Variants in PRR16 observed in about 807,000 individuals in gnomAD.
PRR16 encodes the protein proline rich 16.
A neutral mutation model predicts 18.2 loss-of-function variants in PRR16; 6 were observed. The observed-to-expected ratio is 0.33, with a 90% CI of 0.18 to 0.65. The LOEUF (loss-of-function observed/expected upper bound fraction) is 0.65. Among genes scored for constraint, PRR16 ranks in the 30% least tolerant of loss-of-function variants. The pLI, the probability that PRR16 is intolerant of heterozygous loss-of-function variation, is 0.74. For synonymous variants in PRR16, 151 were observed against 147.8 expected (o/e 1.02, Z -0.16); for missense variants, 412 against 376.6 (o/e 1.09, Z -0.78).
the PRR16 span, among the ~76,000 whole-genome samples, chr5:120,721,713 T>C: frequency 6.5e-3 from 982 of 152,134 alleles, 19 homozygotes; most frequent in African/African-American, 0.022. Context: ...TGCCTTACAT[T>C]TTAAAATTAT....
intron 1 of PRR16, among the ~76,000 whole-genome samples, chr5:120,537,805 C>A (rs1398964521): frequency 2.6e-5 from 3 of 116,072 alleles, no homozygotes; most frequent in Admixed American, 1.2e-4. Context: ...GAGACGGAGT[C>A]TCGCTCTGTC....
chr5:120,543,141 G>A (rs1751966902), intron 1 of PRR16, among the ~76,000 whole-genome samples: 1 of 152,082 alleles, frequency 6.6e-6, no homozygotes, highest in African/African-American at 2.4e-5. Context: ...CAGATGCAGA[G>A]ATTCAACTTG....
chr5:120,763,425 C>A, the PRR16 span, among the ~76,000 whole-genome samples: 2 of 152,088 alleles, frequency 1.3e-5, no homozygotes, highest in East Asian at 3.9e-4. Flanking sequence ...TGAGCCACCA[C>A]GCCTGGCCTG....
intron 1 of PRR16, among the ~76,000 whole-genome samples, chr5:120,543,807 T>A (rs779398560): frequency 2.6e-5 from 4 of 152,168 alleles, no homozygotes; most frequent in African/African-American, 7.2e-5. Flanking sequence ...TGAGGAGAAC[T>A]TACTTCTCAT....
chr5:120,489,767 G>A (rs1255241894), intron 1 of PRR16, among the ~76,000 whole-genome samples: 3 of 152,074 alleles, frequency 2.0e-5, no homozygotes, highest in African/African-American at 7.2e-5. Flanking sequence ...TTACAATTTG[G>A]CATGTTTTTG....
chr5:120,674,021 ATTTT>A lies in PRR16; in HGVS notation c.160-11928_160-11925del, dbSNP rs140646840. On this transcript the variant is annotated intron_variant, in intron 1 of 1. Coordinates refer to ENST00000407149, the MANE Select transcript of PRR16 (RefSeq NM_001300783.2). ...CAGTCTATGTACAAATACTTCCTACATTTTTTTTATCAATGCTGTAAATACACAT... is the reference window on the plus strand; with the variant it reads ...CAGTCTATGTACAAATACTTCCTACATTTTATCAATGCTGTAAATACACAT... Among the ~76,000 whole-genome samples the A allele has an allele frequency of 6.4e-3, 971 of 151,614 alleles. 14 individuals carry two copies. Among genetic ancestry groups the A allele is most frequent in the African/African-American group, 0.023 (936 of 41,342 alleles).
chr5:120,513,131 G>A (rs1041646036), intron 1 of PRR16, among the ~76,000 whole-genome samples: 8 of 152,236 alleles, frequency 5.3e-5, no homozygotes, highest in African/African-American at 1.2e-4. Flanking sequence ...GCTTTCAGCC[G>A]TCTTGGATTT....
chr5:120,671,395 C>G (rs76919767), intron 1 of PRR16, among the ~76,000 whole-genome samples: 8,810 of 152,142 alleles, frequency 0.058, 309 homozygotes, highest in South Asian at 0.083. Flanking sequence ...ATCCTACCAT[C>G]TTACCTTTAC....
chr5:120,528,788 C>T (rs984638449), intron 1 of PRR16, among the ~76,000 whole-genome samples: 1 of 152,102 alleles, frequency 6.6e-6, no homozygotes, highest in Non-Finnish European at 1.5e-5. Flanking sequence ...GGTTGACAGT[C>T]CCTAACACCC....
intron 1 of PRR16, among the ~76,000 whole-genome samples, chr5:120,641,447 T>C (rs1300634888): frequency 6.6e-6 from 1 of 152,016 alleles, no homozygotes; most frequent in Non-Finnish European, 1.5e-5. Flanking sequence ...GGGAAGAAAA[T>C]ATTTTCTTTT....
chr5:120,741,665 G>T, the PRR16 span, among the ~76,000 whole-genome samples: 4 of 152,032 alleles, frequency 2.6e-5, no homozygotes, highest in South Asian at 8.3e-4. Flanking sequence ...ACACTGGCCC[G>T]ATCACGGCTC....
At chr5:120,485,614 C>A (rs1749771451) in intron 1 of PRR16, among the ~76,000 whole-genome samples, 1 of 152,006 alleles carries the variant, frequency 6.6e-6, no homozygotes, top group Non-Finnish European at 1.5e-5. Context: ...GTGGGACTTG[C>A]AGATGTTGGT....
At chr5:120,693,393 A>G in the PRR16 span, among the ~76,000 whole-genome samples, 1 of 152,254 alleles carries the variant, frequency 6.6e-6, no homozygotes, top group East Asian at 1.9e-4. Context: ...GGATGCTACA[A>G]TAACATAAAC....
At chr5:120,535,119 G>C (rs540725692) in intron 1 of PRR16, among the ~76,000 whole-genome samples, 88 of 151,908 alleles carry the variant, frequency 5.8e-4, no homozygotes, top group African/African-American at 2.0e-3. Context: ...GCCTATGTGA[G>C]GATGCTGTTG....
chr5:120,506,017 C>A (rs1360908794), intron 1 of PRR16, among the ~76,000 whole-genome samples: 1 of 150,004 alleles, frequency 6.7e-6, no homozygotes, highest in Non-Finnish European at 1.5e-5. Flanking sequence ...ACATTTACTT[C>A]ATCATGTTCA....
chr5:120,753,932 TA>T, the PRR16 span, among the ~76,000 whole-genome samples: 1 of 9,294 alleles, frequency 1.1e-4, no homozygotes. Flanking sequence ...ATATAAATAT[TA>T]TATATAATAT....
chr5:120,614,317 T>C (rs904084013), intron 1 of PRR16, among the ~76,000 whole-genome samples: 6 of 152,178 alleles, frequency 3.9e-5, no homozygotes, highest in Non-Finnish European at 8.8e-5. Context: ...ATGCTTACGG[T>C]GGAGTTTTTA....
chr5:120,672,591 T>C (rs1052726426), intron 1 of PRR16, among the ~76,000 whole-genome samples: 1 of 151,538 alleles, frequency 6.6e-6, no homozygotes, highest in Non-Finnish European at 1.5e-5. Context: ...TTAAAGAAAG[T>C]CTTCTGTAAC....
chr5:120,573,845 A>G (rs1225466881), intron 1 of PRR16, among the ~76,000 whole-genome samples: 1 of 151,984 alleles, frequency 6.6e-6, no homozygotes, highest in Non-Finnish European at 1.5e-5. Flanking sequence ...TATCACAAAC[A>G]TAGTATAAAG....
Sources: allele counts gnomAD v4.1 joint callset (sites outside exome capture counted in the v4.1 genomes callset), GRCh38; gene constraint gnomAD v4.1.1; transcripts MANE v1.5; gene names NCBI Gene and HGNC (gene_info 2026-07-23, HGNC 2026-07-21).